The following NUP160 variants were observed in gnomAD, a reference collection of about 807,000 sequenced individuals.
The protein encoded by NUP160 is nuclear pore complex protein Nup160.
Under a neutral mutation model 196.9 loss-of-function variants are expected in NUP160, and 94 were observed. The observed-to-expected ratio is 0.48, with a 90% CI of 0.40 to 0.57. The LOEUF (loss-of-function observed/expected upper bound fraction) is 0.57, where lower values mean the gene tolerates loss of function less well. Among genes scored for constraint, NUP160 ranks in the 20% least tolerant of loss-of-function variants. NUP160 has a pLI of 0.00. For synonymous variants in NUP160, 605 were observed against 619.7 expected, an observed-to-expected ratio of 0.98 and a Z score of 0.35; for missense variants, 1,638 against 1,748.3, an observed-to-expected ratio of 0.94 and a Z score of 1.13.
Position 47,815,820 on chromosome 11 carries a change from G to A in NUP160, c.1515+126C>T, listed in dbSNP as rs2097684114. On this transcript the variant is annotated intron_variant, in intron 12 of 35. Coordinates refer to ENST00000378460, the Ensembl canonical transcript of NUP160. ...GTGTATCTGATTCTCTAGTTAAAAGGTTTAAACATTTATATGTTCCAACAA... is the reference window on the plus strand; with the variant it reads ...GTGTATCTGATTCTCTAGTTAAAAGATTTAAACATTTATATGTTCCAACAA... 6.3e-6 allele frequency: 6 copies of A among 947,956 alleles called. No homozygotes were observed. In the Admixed American group the frequency reaches 1.0e-4, roughly 16 times the overall value. The allele number at this position is 947,956 out of a possible 1,614,324, so 58.7% of individuals were successfully genotyped here.
At chr11:47,793,055 C>G (rs1368377833) in intron 27 of NUP160, 109 bp from the exon 28 acceptor site, 2 of 821,770 alleles carry the variant, frequency 2.4e-6, no homozygotes, top group East Asian at 5.9e-5. Context: ...GGCTTGATCT[C>G]AGCTCACTGC....
chr11:47,806,852 C>CACACACAT lies in NUP160; in HGVS notation c.2446+217_2446+218insATGTGTGT, dbSNP rs1428564239. ...ACACACACACACACACACACACACA[C>CACACACAT]ATATATATACCATATCCTTAACATA... On this transcript the variant is annotated intron_variant, in intron 19 of 35. Coordinates refer to ENST00000378460, the Ensembl canonical transcript of NUP160. Among the ~76,000 whole-genome samples the CACACACAT allele has an allele frequency of 1.6e-3, 194 of 124,244 alleles. 1 individual carries two copies. Among genetic ancestry groups the CACACACAT allele is most frequent in the African/African-American group, 3.7e-3 (118 of 31,574 alleles). 81.5% of individuals were successfully genotyped at this position (124,244 alleles called of 152,430 possible). A position where few individuals can be genotyped will look rare whatever the true frequency, so the allele number is the denominator to read the frequency against.
At chr11:47,816,015 T>C (rs896596517) in exon 12 of NUP160, 1 of 1,612,958 alleles carries the variant, frequency 6.2e-7, no homozygotes, top group Admixed American at 1.7e-5. Flanking sequence ...TCCTCTCAGT[T>C]CCTCGGCAGA....
exon 12 of NUP160, chr11:47,815,992 G>C (rs781566875): frequency 1.2e-6 from 2 of 1,613,758 alleles, no homozygotes; most frequent in South Asian, 2.2e-5. Flanking sequence ...TTCACTCCAG[G>C]AAAGATCCAA....
chr11:47,835,626 G>C, intron 7 of NUP160, 25 bp downstream of exon 7: 1 of 1,529,112 alleles, frequency 6.5e-7, no homozygotes, highest in Non-Finnish European at 8.8e-7. Context: ...AGAATAACTT[G>C]GTATGTGTCT....
At chr11:47,792,676 T>C in intron 28 of NUP160, 110 bp downstream of exon 28, 1 of 1,023,154 alleles carries the variant, frequency 9.8e-7, no homozygotes, top group Non-Finnish European at 1.4e-6. Context: ...TCAGTAGAAA[T>C]TGTAAATCAA....
At chr11:47,835,425 T>C (rs1277709043) in intron 7 of NUP160, among the ~76,000 whole-genome samples, 2 of 152,208 alleles carry the variant, frequency 1.3e-5, no homozygotes, top group East Asian at 3.8e-4. Flanking sequence ...TCTTGTTTAG[T>C]TTCTGTTAAC....
intron 19 of NUP160, among the ~76,000 whole-genome samples, chr11:47,806,735 T>G (rs982011615): frequency 2.0e-5 from 3 of 148,822 alleles, no homozygotes; most frequent in African/African-American, 7.5e-5. Context: ...ACGAATAAAT[T>G]TTTAAATGAT....
chr11:47,816,106 G>C (rs2135379318), intron 11 of NUP160, 77 bp from the exon 12 acceptor site: 2 of 980,926 alleles, frequency 2.0e-6, no homozygotes, highest in East Asian at 5.0e-5. Flanking sequence ...AGAAGACATA[G>C]AGGCAATATA....
exon 13 of NUP160, chr11:47,815,507 T>C (rs201329570): frequency 1.3e-5 from 21 of 1,607,676 alleles, no homozygotes; most frequent in East Asian, 2.2e-5. Flanking sequence ...CATGTTTGTG[T>C]GTGGATTCAA....
At chr11:47,788,156 CTA>C in intron 31 of NUP160, 24 bp downstream of exon 31, 1 of 1,585,094 alleles carries the variant, frequency 6.3e-7, no homozygotes, top group South Asian at 1.1e-5. Context: ...TTAGAAAAGA[CTA>C]TAAAAAAATA....
intron 32 of NUP160, among the ~76,000 whole-genome samples, chr11:47,785,957 T>C (rs1013774706): frequency 6.6e-6 from 1 of 152,144 alleles, no homozygotes; most frequent in Admixed American, 6.5e-5. Flanking sequence ...GAAGCTGAAG[T>C]ATATTTACGT....
intron 7 of NUP160, 78 bp from the exon 8 acceptor site, chr11:47,822,242 C>A: frequency 9.9e-7 from 1 of 1,014,220 alleles, no homozygotes; most frequent in South Asian, 1.5e-5. Context: ...TATTACCATT[C>A]AGAAACCTTT....
At chr11:47,839,574 GCAGA>G (rs1264037565) in intron 4 of NUP160, 11 of 440,736 alleles carry the variant, frequency 2.5e-5, no homozygotes, top group African/African-American at 2.2e-4. Flanking sequence ...CCATCTCAGG[GCAGA>G]CAATTAGGCA....
At chr11:47,829,566 C>T (rs560288133) in intron 7 of NUP160, among the ~76,000 whole-genome samples, 1 of 152,274 alleles carries the variant, frequency 6.6e-6, no homozygotes, top group East Asian at 1.9e-4. Context: ...CTTGGCCTCC[C>T]AAAGTGCTAG....
intron 20 of NUP160, 29 bp downstream of exon 20, chr11:47,806,124 T>C (rs763276545): frequency 6.2e-7 from 1 of 1,610,446 alleles, no homozygotes; most frequent in Non-Finnish European, 8.5e-7. Context: ...AGAAGAGAGC[T>C]TTTCACTGGC....
At chr11:47,838,062 A>C (rs547744728) in intron 4 of NUP160, among the ~76,000 whole-genome samples, 47 of 152,358 alleles carry the variant, frequency 3.1e-4, no homozygotes, top group Non-Finnish European at 6.5e-4. Context: ...GAATGGTAGT[A>C]AGTCAGAAAA....
intron 28 of NUP160, 45 bp downstream of exon 28, chr11:47,792,741 G>C: frequency 1.3e-6 from 2 of 1,524,440 alleles, no homozygotes; most frequent in South Asian, 1.3e-5. Flanking sequence ...AGATTTACTT[G>C]TTCCAGGATG....
At chr11:47,793,079 C>T in intron 27 of NUP160, 133 bp from the exon 28 acceptor site, 1 of 608,378 alleles carries the variant, frequency 1.6e-6, no homozygotes, top group South Asian at 2.2e-5. Flanking sequence ...CTCCGCCTCC[C>T]TGGTTCAAGC....
Sources: allele counts gnomAD v4.1 joint callset (sites outside exome capture counted in the v4.1 genomes callset), GRCh38; gene constraint gnomAD v4.1.1; transcripts MANE v1.5; gene names NCBI Gene and HGNC (gene_info 2026-07-23, HGNC 2026-07-21).